The following BTBD9 variants were observed in gnomAD, a reference collection of about 807,000 sequenced individuals.
BTBD9 encodes the protein BTB/POZ domain-containing protein 9.
BTBD9 carries 49 observed loss-of-function variants against 64.3 expected under a neutral mutation model. That is an observed-to-expected ratio of 0.76 (90% CI 0.61 to 0.97). The LOEUF (loss-of-function observed/expected upper bound fraction) is 0.97. Among genes scored for constraint, BTBD9 ranks in the 50% least tolerant of loss-of-function variants. The pLI, the probability that BTBD9 is intolerant of heterozygous loss-of-function variation, is 0.00. For missense variants in BTBD9, 598 were observed against 762.1 expected, an observed-to-expected ratio of 0.78 and a Z score of 2.53; for synonymous variants, 260 against 274.7, an observed-to-expected ratio of 0.95 and a Z score of 0.53.
At chr6:38,613,809 G>C (rs1777698915) in intron 1 of BTBD9, among the ~76,000 whole-genome samples, 1 of 152,064 alleles carries the variant, frequency 6.6e-6, no homozygotes, top group Non-Finnish European at 1.5e-5. Context: ...GGGAGATGTG[G>C]GCCCTGACTT....
chr6:38,207,803 AT>A (rs2127497045), intron 9 of BTBD9, among the ~76,000 whole-genome samples: 1 of 152,280 alleles, frequency 6.6e-6, no homozygotes, highest in East Asian at 1.9e-4. Context: ...CATTAAATAT[AT>A]TTTTTGGAAT....
At chr6:38,545,865 C>T (rs1469296723) in intron 6 of BTBD9, among the ~76,000 whole-genome samples, 13 of 88,716 alleles carry the variant, frequency 1.5e-4, no homozygotes, top group African/African-American at 2.2e-4. Context: ...TACACACACA[C>T]ACACACACAC....
chr6:38,375,895 G>GAAAGAAAGAAAGA (rs1765661783), intron 6 of BTBD9, among the ~76,000 whole-genome samples: 5 of 88,760 alleles, frequency 5.6e-5, no homozygotes, highest in Non-Finnish European at 8.1e-5. Flanking sequence ...AGAAAGAAAA[G>GAAAGAAAGAAAGA]AAAGAAAGAA....
At chr6:38,484,648 A>G (rs1771315932) in intron 6 of BTBD9, among the ~76,000 whole-genome samples, 1 of 152,178 alleles carries the variant, frequency 6.6e-6, no homozygotes, top group African/African-American at 2.4e-5. Flanking sequence ...AGCCACACAA[A>G]TCTTTTGGTT....
chr6:38,607,601 T>C (rs901351637), intron 1 of BTBD9, among the ~76,000 whole-genome samples: 13 of 150,410 alleles, frequency 8.6e-5, no homozygotes, highest in African/African-American at 3.1e-4. Flanking sequence ...TTCTGCTATT[T>C]GCCAATATGT....
chr6:38,393,195 A>G (rs576766877), intron 6 of BTBD9, among the ~76,000 whole-genome samples: 1 of 152,364 alleles, frequency 6.6e-6, no homozygotes, highest in East Asian at 1.9e-4. Flanking sequence ...TGACCAGCCA[A>G]GACAATGATT....
In BTBD9 at chr6:38,175,174, G is replaced by A; in HGVS notation, c.1650C>T (p.His550=). ...GTHNTANEVF[H]CVHFECPEQQ... ...GCTCTGGACACTCAAAGTGGACACA[G>A]TGGAACACCTGGGAGAGAAAAGGAA... Residue 550 remains histidine, a synonymous_variant, in exon 11 of 11, where the codon CAC becomes CAT. Transcript: ENST00000481247. 6.2e-7 allele frequency: 1 copy of A among 1,614,218 alleles called. No homozygotes were observed. Among genetic ancestry groups the A allele is most frequent in the Non-Finnish European group, 8.5e-7 (1 of 1,180,048 alleles).
chr6:38,454,503 T>TCTTAATTA (rs1769706122), intron 6 of BTBD9, among the ~76,000 whole-genome samples: 1 of 149,092 alleles, frequency 6.7e-6, no homozygotes, highest in Non-Finnish European at 1.5e-5. Context: ...ATCTTAAATA[T>TCTTAATTA]AATATAATTA....
At chr6:38,440,731 T>A (rs1247986536) in intron 6 of BTBD9, among the ~76,000 whole-genome samples, 1 of 152,212 alleles carries the variant, frequency 6.6e-6, no homozygotes. Context: ...TTTTAATGTG[T>A]TGAATGTCTA....
intron 6 of BTBD9, among the ~76,000 whole-genome samples, chr6:38,439,749 G>C (rs1198132932): frequency 6.6e-6 from 1 of 152,056 alleles, no homozygotes; most frequent in Non-Finnish European, 1.5e-5. Context: ...TTTAATTTGG[G>C]CTTCAATTTT....
At chr6:38,261,437 C>G (rs143601774) in intron 8 of BTBD9, among the ~76,000 whole-genome samples, 1 of 152,080 alleles carries the variant, frequency 6.6e-6, no homozygotes, top group Non-Finnish European at 1.5e-5. Flanking sequence ...ATAACAAATG[C>G]CTGTTTCTGT....
chr6:38,373,529 T>C (rs186154523), intron 6 of BTBD9, among the ~76,000 whole-genome samples: 1 of 152,008 alleles, frequency 6.6e-6, no homozygotes, highest in Admixed American at 6.6e-5. Flanking sequence ...TGTTGGGAGG[T>C]GCATATAAAC....
intron 10 of BTBD9, among the ~76,000 whole-genome samples, chr6:38,175,885 C>T (rs1033780785): frequency 4.6e-5 from 7 of 152,256 alleles, no homozygotes; most frequent in Admixed American, 3.9e-4. Context: ...TCATGTGGCT[C>T]CAGCCAGCCT....
At chr6:38,418,686 C>G (rs1767778199) in intron 6 of BTBD9, among the ~76,000 whole-genome samples, 1 of 152,200 alleles carries the variant, frequency 6.6e-6, no homozygotes, top group African/African-American at 2.4e-5. Context: ...AGTCCCACAG[C>G]TATACTGTGT....
At chr6:38,576,468 G>A (rs139360485) in intron 6 of BTBD9, among the ~76,000 whole-genome samples, 4 of 152,288 alleles carry the variant, frequency 2.6e-5, no homozygotes, top group South Asian at 2.1e-4. Flanking sequence ...TGTAGGCAAC[G>A]TTCTTTACTG....
At chr6:38,308,125 A>G (rs967997749) in intron 7 of BTBD9, among the ~76,000 whole-genome samples, 2 of 152,206 alleles carry the variant, frequency 1.3e-5, no homozygotes, top group Non-Finnish European at 2.9e-5. Flanking sequence ...TAGCTGAGAA[A>G]ATCAATTCAA....
intron 8 of BTBD9, among the ~76,000 whole-genome samples, chr6:38,264,021 C>G (rs1764885247): frequency 6.6e-6 from 1 of 152,158 alleles, no homozygotes; most frequent in Non-Finnish European, 1.5e-5. Flanking sequence ...GGAAACCTCC[C>G]TTATGATGGC....
intron 6 of BTBD9, among the ~76,000 whole-genome samples, chr6:38,555,759 A>G (rs542521610): frequency 8.5e-5 from 13 of 152,286 alleles, no homozygotes; most frequent in African/African-American, 2.9e-4. Context: ...CACTGGTCTC[A>G]TGCTGCCAGA....
chr6:38,540,720 C>T (rs1774231965), intron 6 of BTBD9, among the ~76,000 whole-genome samples: 1 of 152,186 alleles, frequency 6.6e-6, no homozygotes, highest in African/African-American at 2.4e-5. Flanking sequence ...AAGTCTGTCT[C>T]AAGAAAACAC....
Sources: allele counts gnomAD v4.1 joint callset (sites outside exome capture counted in the v4.1 genomes callset), GRCh38; gene constraint gnomAD v4.1.1; transcripts MANE v1.5; gene names NCBI Gene and HGNC (gene_info 2026-07-23, HGNC 2026-07-21).